LRRC27: variants seen among roughly 807,000 people sequenced by gnomAD.
LRRC27 encodes the protein leucine rich repeat containing 27.
In LRRC27, 57 loss-of-function variants were observed where a neutral mutation model predicts 55.0. That is an observed-to-expected ratio of 1.04 (90% CI 0.84 to 1.29). LRRC27 has a LOEUF of 1.29. Ranked by LOEUF, LRRC27 falls within the 50% of genes most tolerant of loss-of-function variation. The probability of loss-of-function intolerance (pLI) is 0.00; values close to 1 mark genes in which losing one functional copy is unlikely to be tolerated. For synonymous variants in LRRC27, 278 were observed against 251.9 expected (o/e 1.10, Z -0.98); for missense variants, 721 against 651.5 (o/e 1.11, Z -1.16).
chr10:132,339,415 T>G (rs1203200861), intron 3 of LRRC27, among the ~76,000 whole-genome samples: 1 of 152,236 alleles, frequency 6.6e-6, no homozygotes, highest in Admixed American at 6.5e-5. Flanking sequence ...TGATAGGTGG[T>G]GTCCGGAGCA....
intron 3 of LRRC27, among the ~76,000 whole-genome samples, chr10:132,339,995 T>C (rs1442480506): frequency 6.6e-6 from 1 of 152,220 alleles, no homozygotes; most frequent in Non-Finnish European, 1.5e-5. Context: ...TACAAAGTGA[T>C]TGTGGGCTTA....
intron 8 of LRRC27, among the ~76,000 whole-genome samples, chr10:132,358,831 C>T (rs566818723): frequency 1.9e-4 from 1 of 5,296 alleles, no homozygotes; most frequent in Non-Finnish European, 2.8e-4. Flanking sequence ...GGGAAGGAGC[C>T]GAGCTGGTGG....
chr10:132,340,138 C>T (rs2067335212), intron 3 of LRRC27, among the ~76,000 whole-genome samples: 1 of 152,204 alleles, frequency 6.6e-6, no homozygotes, highest in Non-Finnish European at 1.5e-5. Flanking sequence ...CATTTACCTC[C>T]TTAGGCCAAC....
chr10:132,372,805 CT>C lies in LRRC27; in HGVS notation c.1417-2260del, dbSNP rs1435890206. On this transcript the variant is annotated intron_variant, in intron 10 of 10. Coordinates refer to ENST00000368614, the MANE Select transcript of LRRC27 (RefSeq NM_030626.3). The surrounding 1 kb of genome is among the most constrained non-coding windows in gnomAD (Gnocchi z 4.0). The stretch of plus-strand genomic sequence containing the variant: ...GGGCTGGCCAGCTCCATGGCGCTGT[CT>C]GAGATATCAGCCAACCAAGACAGAA... Among the ~76,000 whole-genome samples the C allele has an allele frequency of 6.6e-6, 1 of 152,126 alleles. No homozygotes were observed. Among genetic ancestry groups the C allele is most frequent in the Non-Finnish European group, 1.5e-5 (1 of 68,038 alleles).
At chr10:132,364,576 C>T (rs2068909305) in intron 9 of LRRC27, among the ~76,000 whole-genome samples, 3 of 23,530 alleles carry the variant, frequency 1.3e-4, no homozygotes, top group East Asian at 2.3e-3. Flanking sequence ...CACGTCCACA[C>T]CCTGGGGCCC....
At chr10:132,365,347 T>G in intron 9 of LRRC27, 77 bp from the exon 10 acceptor site, 1 of 1,580,308 alleles carries the variant, frequency 6.3e-7, no homozygotes, top group Non-Finnish European at 8.7e-7. Flanking sequence ...ACATGCTTTC[T>G]CCCTGGTTAT....
intron 9 of LRRC27, among the ~76,000 whole-genome samples, chr10:132,364,813 C>T: frequency 8.2e-6 from 1 of 121,898 alleles, no homozygotes; most frequent in Non-Finnish European, 1.8e-5. Flanking sequence ...CACACTTACA[C>T]CCACCCTTAC....
rs527405789 is a variant in LRRC27 at position 132,359,480 on chromosome 10, G to A, written c.1171-1977G>A. On this transcript the variant is annotated intron_variant, in intron 8 of 10. Coordinates refer to ENST00000368614, the MANE Select transcript of LRRC27 (RefSeq NM_030626.3). ...GCAGGAGGACACGAGAGGGCGCCAC[G>A]GCCTTGGGTGGCCACTGCTGGGTGG... is the stretch of plus-strand genomic sequence containing the variant. 1.4e-4 allele frequency among the ~76,000 whole-genome samples: 22 copies of A among 152,350 alleles called. No homozygotes were observed. The East Asian group carries it at 3.5e-3, about 24-fold the overall frequency.
intron 10 of LRRC27, among the ~76,000 whole-genome samples, chr10:132,371,053 T>C (rs1367321750): frequency 1.3e-5 from 2 of 152,224 alleles, no homozygotes; most frequent in African/African-American, 2.4e-5. Context: ...CGTGAGACAG[T>C]TGGCATGTCC....
chr10:132,357,199 G>A (rs568985697), intron 8 of LRRC27, among the ~76,000 whole-genome samples: 7 of 152,342 alleles, frequency 4.6e-5, no homozygotes, highest in African/African-American at 1.2e-4. Context: ...TGTCCAATGC[G>A]TTGGATAAAC....
At chr10:132,370,606 G>A (rs1314632187) in intron 10 of LRRC27, among the ~76,000 whole-genome samples, 5 of 152,228 alleles carry the variant, frequency 3.3e-5, no homozygotes, top group Admixed American at 6.5e-5. Context: ...CTCACAGAGC[G>A]CCGGGCGGGT....
Position 132,375,269 on chromosome 10 carries a change from GT to G in LRRC27, c.*28del. On this transcript the variant is annotated 3_prime_UTR_variant, in exon 11 of 11. Transcript: ENST00000368614. The stretch of plus-strand genomic sequence containing the variant: ...ACCAGGTGGCTGGACTGATGGAGAC[GT>G]CTTCAGACAGGAGCCGCTCAGTCTT... The G allele has an allele frequency of 6.3e-7, 1 of 1,593,628 alleles. No homozygotes were observed. The highest frequency in any genetic ancestry group is 8.6e-7 in the Non-Finnish European group (1 of 1,167,404).
rs1057299156 is a variant in LRRC27 at position 132,374,706 on chromosome 10, A to G, written c.1417-360A>G. 2.0e-5 allele frequency among the ~76,000 whole-genome samples: 3 copies of G among 152,148 alleles called. No individual in the cohort carries two copies. Among genetic ancestry groups the G allele is most frequent in the African/African-American group, 7.2e-5 (3 of 41,424 alleles). ...AAGACACTGCCCGGGGTGTGGCATC[A>G]GCCTTCCCTTTGCCCACAGGACGAT... is the stretch of plus-strand genomic sequence containing the variant. On this transcript the variant is annotated intron_variant, in intron 10 of 10. Transcript: ENST00000368614. The surrounding 1 kb of genome is among the most constrained non-coding windows in gnomAD (Gnocchi z 4.4).
Position 132,355,882 on chromosome 10 carries a change from G to T in LRRC27, c.1166G>T (p.Ser389Ile). Reference sequence around the variant, plus strand: ...AGCAAACTCCTGCCTCCGCGGAGGAGCATGGTACGGCACGCGCGGGCGGTG... The same window carrying T: ...AGCAAACTCCTGCCTCCGCGGAGGATCATGGTACGGCACGCGCGGGCGGTG... ...ELSKLLPPRR[S>I]MVASKIPSAT... The change falls in exon 8 of 11, where the codon AGC (serine) becomes ATC (isoleucine). Residue 389 changes from serine (S) to isoleucine (I), a missense_variant. Ser to Ile is a moderately radical substitution (Grantham distance 142). Coordinates refer to ENST00000368614, the MANE Select transcript of LRRC27 (RefSeq NM_030626.3). 6.4e-7 allele frequency: 1 copy of T among 1,552,372 alleles called. No individual in the cohort carries two copies. Among genetic ancestry groups the T allele is most frequent in the South Asian group, 1.2e-5 (1 of 84,162 alleles).
At chr10:132,370,014 CACCCA>C (rs1419502509) in intron 10 of LRRC27, among the ~76,000 whole-genome samples, 3 of 152,298 alleles carry the variant, frequency 2.0e-5, no homozygotes, top group Admixed American at 6.5e-5. Context: ...AAGGCGGTGC[CACCCA>C]TTTCACAGGT....
At position 132,348,024 on chromosome 10, in the gene LRRC27, G is replaced by T. The variant is rs774713378; in HGVS notation, c.594G>T (p.Pro198=). 1.2e-6 allele frequency: 2 copies of T among 1,612,852 alleles called. No homozygotes were observed. Among genetic ancestry groups the T allele is most frequent in the Non-Finnish European group, 1.7e-6 (2 of 1,179,696 alleles). ...PVREMTLRDL[P]SPGLELSGDH... is the part of the protein sequence containing the mutation. The stretch of plus-strand genomic sequence containing the variant: ...GAGAGATGACCCTCCGTGACCTCCC[G>T]AGCCCAGGACTGGAGTTGTCTGGAG... Residue 198 remains proline (P), a synonymous_variant, in exon 6 of 11, where the codon CCG becomes CCT. Transcript: ENST00000368614. This position sits in a 1 kb window ranked among gnomAD's most constrained non-coding sequence, Gnocchi z 4.2.
chr10:132,377,422 C>T lies in LRRC27; in HGVS notation c.*2180C>T, dbSNP rs1337712085. On this transcript the variant is annotated 3_prime_UTR_variant, in exon 11 of 11. Transcript: ENST00000368614. ...TGGGTGTTGCCTTAGAGATTTCATA[C>T]ATGCCCTTGAGTTCATTAGCATTTC... 1 of 152,138 alleles carries T rather than the reference C, an allele frequency of 6.6e-6. No individual in the cohort carries two copies. The highest frequency in any genetic ancestry group is 1.9e-4 in the East Asian group (1 of 5,192). 9.4% of individuals were successfully genotyped at this position (152,138 alleles called of 1,614,324 possible).
At chr10:132,331,708 C>G (rs777726020), upstream of LRRC27, 1 of 1,612,564 alleles carries the variant, frequency 6.2e-7, no homozygotes, top group Non-Finnish European at 8.5e-7. Context: ...CGCCCCGGGC[C>G]CTCCGGCTCC....
intron 2 of LRRC27, among the ~76,000 whole-genome samples, chr10:132,336,459 G>C (rs1590592234): frequency 6.6e-6 from 1 of 152,224 alleles, no homozygotes; most frequent in African/African-American, 2.4e-5. Context: ...TCTGAAGAGT[G>C]TGATTTTTCC....
Sources: allele counts gnomAD v4.1 joint callset (sites outside exome capture counted in the v4.1 genomes callset), GRCh38; gene constraint gnomAD v4.1.1; non-coding constraint Gnocchi (gnomAD v3.1); transcripts MANE v1.5; gene names NCBI Gene and HGNC (gene_info 2026-07-23, HGNC 2026-07-21).